The following INPP4B variants were observed in gnomAD, a reference collection of about 807,000 sequenced individuals.
The protein encoded by INPP4B is inositol polyphosphate 4-phosphatase type II.
Under a neutral mutation model 122.5 loss-of-function variants are expected in INPP4B, and 55 were observed. That is an observed-to-expected ratio of 0.45 (90% CI 0.36 to 0.56). The LOEUF is 0.56. INPP4B is among the 20% of genes least tolerant of loss of function. The probability of loss-of-function intolerance (pLI) is 0.00; values close to 1 mark genes in which losing one functional copy is unlikely to be tolerated. For missense variants in INPP4B, 1,000 were observed against 1,097.7 expected (o/e 0.91, Z 1.26); for synonymous variants, 403 against 388.7 (o/e 1.04, Z -0.43).
intron 2 of INPP4B, among the ~76,000 whole-genome samples, chr4:142,690,277 G>C (rs917940308): frequency 6.6e-6 from 1 of 152,146 alleles, no homozygotes; most frequent in East Asian, 1.9e-4. Context: ...AAGGAACATA[G>C]CATGGAGAAA....
At chr4:142,698,470 T>G (rs1360666713) in intron 2 of INPP4B, among the ~76,000 whole-genome samples, 6 of 152,152 alleles carry the variant, frequency 3.9e-5, no homozygotes, top group Non-Finnish European at 7.3e-5. Flanking sequence ...TCATTTTCAT[T>G]ACCAGACCCT....
rs187902699 is a variant in INPP4B, at chr4:142,556,878, G to C, written c.-190-94152C>G. On this transcript the variant is annotated intron_variant, in intron 2 of 25. Coordinates refer to ENST00000262992, the MANE Select transcript of INPP4B (RefSeq NM_001101669.3). ...TCTAAGCTGATACCTAGGAAACCTCGCTATCTCCTCATATATTCAGTCAGG... is the reference window on the plus strand; with the variant it reads ...TCTAAGCTGATACCTAGGAAACCTCCCTATCTCCTCATATATTCAGTCAGG... 4.6e-5 allele frequency among the ~76,000 whole-genome samples: 7 copies of C among 152,220 alleles called. No individual in the cohort carries two copies. The East Asian group carries it at 1.4e-3, about 29-fold the overall frequency.
intron 2 of INPP4B, among the ~76,000 whole-genome samples, chr4:142,607,343 ATAGCAG>A (rs1161237020): frequency 1.3e-5 from 2 of 152,116 alleles, no homozygotes; most frequent in East Asian, 3.9e-4. Context: ...ATTAAAGGCT[ATAGCAG>A]TAGCTTTTTC....
At chr4:142,661,352 T>A (rs1011219455) in intron 2 of INPP4B, among the ~76,000 whole-genome samples, 4 of 152,156 alleles carry the variant, frequency 2.6e-5, no homozygotes, top group Non-Finnish European at 5.9e-5. Context: ...ATGCCAACTA[T>A]AACCACCGAT....
intron 2 of INPP4B, among the ~76,000 whole-genome samples, chr4:142,577,843 C>A (rs533047136): frequency 3.3e-5 from 5 of 151,980 alleles, no homozygotes; most frequent in Non-Finnish European, 5.9e-5. Context: ...AGGTCATCTG[C>A]AGTTCCTTTT....
At chr4:142,572,115 C>T (rs374777145) in intron 2 of INPP4B, among the ~76,000 whole-genome samples, 9 of 152,160 alleles carry the variant, frequency 5.9e-5, no homozygotes, top group East Asian at 5.8e-4. Flanking sequence ...TTTCCAAAGC[C>T]GTTTGTGTCT....
intron 17 of INPP4B, among the ~76,000 whole-genome samples, chr4:142,153,517 C>T (rs1815506326): frequency 6.6e-6 from 1 of 152,076 alleles, no homozygotes; most frequent in African/African-American, 2.4e-5. Context: ...CATCAAAATA[C>T]CTGATTTTGA....
intron 2 of INPP4B, among the ~76,000 whole-genome samples, chr4:142,464,693 G>T (rs1378894031): frequency 2.0e-5 from 3 of 151,810 alleles, no homozygotes; most frequent in African/African-American, 7.3e-5. Context: ...CAAACCATCT[G>T]CTTACTACTA....
chr4:142,692,692 C>A (rs1229472847), intron 2 of INPP4B, among the ~76,000 whole-genome samples: 3 of 152,228 alleles, frequency 2.0e-5, no homozygotes, highest in Admixed American at 6.5e-5. Flanking sequence ...AACGGAGACA[C>A]TCCATTCTGT....
At chr4:142,662,883 T>C (rs948761951) in intron 2 of INPP4B, among the ~76,000 whole-genome samples, 5 of 152,196 alleles carry the variant, frequency 3.3e-5, no homozygotes, top group Non-Finnish European at 5.9e-5. Flanking sequence ...TGGAAAGGTT[T>C]GAGAAATAGT....
At chr4:142,398,332 C>G (rs442233) in intron 7 of INPP4B, among the ~76,000 whole-genome samples, 1 of 130,844 alleles carries the variant, frequency 7.6e-6, no homozygotes, top group South Asian at 2.4e-4. Flanking sequence ...GAGCCGAGAT[C>G]GTGGCACTGC....
chr4:142,680,899 G>A (rs766578559), intron 2 of INPP4B, among the ~76,000 whole-genome samples: 7 of 151,720 alleles, frequency 4.6e-5, no homozygotes, highest in Admixed American at 2.6e-4. Context: ...AAACACCCAC[G>A]ACACTCAAAC....
chr4:142,343,551 A>T (rs1268182489), intron 7 of INPP4B, among the ~76,000 whole-genome samples: 1 of 151,898 alleles, frequency 6.6e-6, no homozygotes, highest in Admixed American at 6.6e-5. Flanking sequence ...ACCAAAATGG[A>T]GAATTGCAAT....
intron 2 of INPP4B, among the ~76,000 whole-genome samples, chr4:142,613,577 T>C (rs1743035364): frequency 1.3e-5 from 2 of 152,188 alleles, no homozygotes; most frequent in African/African-American, 4.8e-5. Context: ...CATATATCTT[T>C]GTAAAGACCC....
intron 17 of INPP4B, among the ~76,000 whole-genome samples, chr4:142,155,416 T>C (rs1553991333): frequency 6.6e-6 from 1 of 152,120 alleles, no homozygotes; most frequent in East Asian, 1.9e-4. Context: ...TAGATCACTA[T>C]AGATTTCCTA....
intron 12 of INPP4B, among the ~76,000 whole-genome samples, chr4:142,213,237 T>C (rs1335735178): frequency 1.3e-5 from 2 of 152,178 alleles, no homozygotes; most frequent in Non-Finnish European, 2.9e-5. Context: ...CACTCCAAAG[T>C]GGAGAGGATG....
At chr4:142,608,437 G>T (rs544438568) in intron 2 of INPP4B, among the ~76,000 whole-genome samples, 3 of 152,208 alleles carry the variant, frequency 2.0e-5, no homozygotes, top group African/African-American at 7.2e-5. Flanking sequence ...GAATATGCAG[G>T]ATTTATGAGT....
At chr4:142,595,555 A>G (rs1738511306) in intron 2 of INPP4B, among the ~76,000 whole-genome samples, 1 of 152,196 alleles carries the variant, frequency 6.6e-6, no homozygotes, top group South Asian at 2.1e-4. Flanking sequence ...TTTTATGTTT[A>G]TCCAGCAAAA....
intron 7 of INPP4B, among the ~76,000 whole-genome samples, chr4:142,397,851 A>T (rs1420367045): frequency 6.6e-6 from 1 of 152,044 alleles, no homozygotes; most frequent in African/African-American, 2.4e-5. Context: ...AAAAATAAAA[A>T]ATAAAAAATA....
Sources: allele counts gnomAD v4.1 joint callset (sites outside exome capture counted in the v4.1 genomes callset), GRCh38; gene constraint gnomAD v4.1.1; transcripts MANE v1.5; gene names NCBI Gene and HGNC (gene_info 2026-07-23, HGNC 2026-07-21).